MAN2A1: variants seen among roughly 807,000 people sequenced by gnomAD.
MAN2A1 encodes mannosidase alpha class 2A member 1.
Under a neutral mutation model 142.6 loss-of-function variants are expected in MAN2A1, and 76 were observed. That is an observed-to-expected ratio of 0.53 (90% confidence interval 0.44 to 0.65). The LOEUF is 0.65. Among genes scored for constraint, MAN2A1 ranks in the 30% least tolerant of loss-of-function variants. The probability of loss-of-function intolerance (pLI) is 0.00; values close to 1 mark genes in which losing one functional copy is unlikely to be tolerated. For synonymous variants in MAN2A1, 559 were observed against 473.2 expected, an observed-to-expected ratio of 1.18 and a Z score of -2.35; for missense variants, 1,311 against 1,365.1, an observed-to-expected ratio of 0.96 and a Z score of 0.62.
intron 12 of MAN2A1, among the ~76,000 whole-genome samples, chr5:109,798,461 A>G (rs549058664): frequency 1.1e-3 from 168 of 152,156 alleles, no homozygotes; most frequent in African/African-American, 3.9e-3. Flanking sequence ...TTAAAACGGA[A>G]CTCCTCTTCC....
chr5:109,865,486 T>G (rs1168598674), intron 21 of MAN2A1: 1 of 255,670 alleles, frequency 3.9e-6, no homozygotes, highest in East Asian at 9.9e-5. Flanking sequence ...TATCATCTAG[T>G]TCAGCATTGG....
At chr5:109,753,227 A>G (rs1752594721) in intron 4 of MAN2A1, among the ~76,000 whole-genome samples, 1 of 152,248 alleles carries the variant, frequency 6.6e-6, no homozygotes, top group Admixed American at 6.5e-5. Flanking sequence ...TGCGAAGCAT[A>G]ACGCATAAGG....
chr5:109,753,611 A>G (rs1357610101), intron 4 of MAN2A1, among the ~76,000 whole-genome samples: 1 of 152,026 alleles, frequency 6.6e-6, no homozygotes, highest in Non-Finnish European at 1.5e-5. Context: ...TCCATTATCC[A>G]CTCTGTTACT....
rs553270845 is a variant in MAN2A1, at chr5:109,807,952, A to G, written c.1944-9321A>G. On this transcript the variant is annotated intron_variant, in intron 12 of 21. Coordinates refer to ENST00000261483, the MANE Select transcript of MAN2A1 (RefSeq NM_002372.4). Reference sequence around the variant, plus strand: ...TAAGTTCTTTCTCTGCCTGGCAACTAGAAATAGGTATTAAAAAGGAAAATT... The same window carrying G: ...TAAGTTCTTTCTCTGCCTGGCAACTGGAAATAGGTATTAAAAAGGAAAATT... 1.8e-4 allele frequency among the ~76,000 whole-genome samples: 27 copies of G among 152,326 alleles called. 1 individual carries two copies. In the South Asian group the frequency reaches 5.4e-3, roughly 30 times the overall value.
At chr5:109,772,466 G>A (rs1753174917) in intron 7 of MAN2A1, among the ~76,000 whole-genome samples, 1 of 152,166 alleles carries the variant, frequency 6.6e-6, no homozygotes, top group African/African-American at 2.4e-5. Context: ...ACCTGATGAT[G>A]AATTGAGATC....
intron 5 of MAN2A1, among the ~76,000 whole-genome samples, chr5:109,762,122 A>T (rs1752860694): frequency 1.3e-5 from 2 of 152,148 alleles, no homozygotes; most frequent in South Asian, 4.1e-4. Flanking sequence ...TAAACACAGT[A>T]TAAGTTTTTT....
At chr5:109,833,121 G>C (rs1270102995) in intron 16 of MAN2A1, among the ~76,000 whole-genome samples, 1 of 151,596 alleles carries the variant, frequency 6.6e-6, no homozygotes, top group African/African-American at 2.4e-5. Flanking sequence ...GGGTGGCCGG[G>C]CAGAGACGCT....
chr5:109,839,155 C>G (rs190499195), intron 16 of MAN2A1, among the ~76,000 whole-genome samples: 2 of 152,130 alleles, frequency 1.3e-5, no homozygotes, highest in Non-Finnish European at 2.9e-5. Flanking sequence ...CCTAGTATTA[C>G]GTGAATACTA....
At chr5:109,789,617 T>A in intron 12 of MAN2A1, 90 bp downstream of exon 12, 3 of 807,786 alleles carry the variant, frequency 3.7e-6, no homozygotes, top group Non-Finnish European at 5.7e-6. Flanking sequence ...GCGTATATTT[T>A]GAGGCAATCA....
chr5:109,791,633 G>A (rs1255757119), intron 12 of MAN2A1, among the ~76,000 whole-genome samples: 1 of 151,828 alleles, frequency 6.6e-6, no homozygotes, highest in African/African-American at 2.4e-5. Flanking sequence ...CTCGATGGGG[G>A]AGATATTTTT....
intron 7 of MAN2A1, among the ~76,000 whole-genome samples, chr5:109,771,813 G>A (rs1423437034): frequency 3.3e-5 from 5 of 152,168 alleles, no homozygotes; most frequent in Admixed American, 6.5e-5. Context: ...GGATGGGGAA[G>A]TTCTTAAAAG....
chr5:109,840,810 G>A, intron 16 of MAN2A1: 1 of 233,654 alleles, frequency 4.3e-6, no homozygotes, highest in South Asian at 5.3e-5. Flanking sequence ...GTGCGCCGGA[G>A]TCCTGAGGAG....
chr5:109,707,391 C>T (rs755608079), intron 1 of MAN2A1, among the ~76,000 whole-genome samples: 1 of 151,918 alleles, frequency 6.6e-6, no homozygotes, highest in Non-Finnish European at 1.5e-5. Flanking sequence ...TTCTTTCCTT[C>T]CTTTTTTTCT....
intron 1 of MAN2A1, among the ~76,000 whole-genome samples, chr5:109,709,642 G>C (rs898451356): frequency 1.3e-5 from 2 of 152,190 alleles, no homozygotes; most frequent in African/African-American, 4.8e-5. Flanking sequence ...AGTGGTAACT[G>C]AGCCTGTTCT....
intron 20 of MAN2A1, among the ~76,000 whole-genome samples, chr5:109,857,848 C>G (rs1282498884): frequency 6.6e-6 from 1 of 152,172 alleles, no homozygotes; most frequent in African/African-American, 2.4e-5. Context: ...CTCTTCGTGC[C>G]TTTGGACAGG....
chr5:109,812,056 C>G (rs949792908), intron 12 of MAN2A1, among the ~76,000 whole-genome samples: 1 of 152,078 alleles, frequency 6.6e-6, no homozygotes, highest in African/African-American at 2.4e-5. Flanking sequence ...GGTCCTTGGT[C>G]AGGATACCAT....
chr5:109,760,162 T>C lies in MAN2A1; in HGVS notation c.835+4706T>C, dbSNP rs148026714. ...AGCCTCCCAGCCCCTGACGCCCCTG[T>C]GTGTCGTGTTCCCCTCTCTGTGTCC... On this transcript the variant is annotated intron_variant, in intron 5 of 21. Transcript: ENST00000261483. Among the ~76,000 whole-genome samples the C allele has an allele frequency of 2.1e-4, 32 of 152,200 alleles. No homozygotes were observed. The East Asian group carries it at 5.8e-3, about 28-fold the overall frequency.
chr5:109,724,649 T>A (rs1751693401), intron 3 of MAN2A1, among the ~76,000 whole-genome samples: 1 of 151,928 alleles, frequency 6.6e-6, no homozygotes, highest in Admixed American at 6.6e-5. Flanking sequence ...AACTTTTGAG[T>A]GGAATTAATA....
At chr5:109,784,545 T>A (rs1267275590) in intron 9 of MAN2A1, among the ~76,000 whole-genome samples, 199 bp from the exon 10 acceptor site, 1 of 152,206 alleles carries the variant, frequency 6.6e-6, no homozygotes, top group Non-Finnish European at 1.5e-5. Context: ...CATGGTATTC[T>A]TTGATGATTG....
Sources: gnomAD v4.1 joint callset for allele counts (sites outside exome capture counted in the v4.1 genomes callset) on GRCh38, gnomAD v4.1.1 for gene constraint, MANE v1.5 for transcripts, NCBI Gene and HGNC (gene_info 2026-07-23, HGNC 2026-07-21) for gene names.